The following NRXN3 variants were observed in gnomAD, a reference collection of about 807,000 sequenced individuals.
NRXN3 encodes the protein neurexin 3.
A neutral mutation model predicts 137.6 loss-of-function variants in NRXN3; 32 were observed. The observed-to-expected ratio is 0.23, with a 90% CI of 0.18 to 0.31. The LOEUF (loss-of-function observed/expected upper bound fraction) is 0.31. Among genes scored for constraint, NRXN3 ranks in the 10% least tolerant of loss-of-function variants. The pLI, the probability that NRXN3 is intolerant of heterozygous loss-of-function variation, is 1.00. For synonymous variants in NRXN3, 798 were observed against 784.5 expected (o/e 1.02, Z -0.29); for missense variants, 1,574 against 2,062.5 (o/e 0.76, Z 4.59).
intron 4 of NRXN3, among the ~76,000 whole-genome samples, chr14:78,345,215 T>G (rs1414839933): frequency 6.6e-6 from 1 of 152,198 alleles, no homozygotes; most frequent in Non-Finnish European, 1.5e-5. Flanking sequence ...TTGTTTTAAC[T>G]GTTCCTTGCT....
At chr14:79,133,150 T>G (rs973294610) in intron 15 of NRXN3, among the ~76,000 whole-genome samples, 4 of 152,236 alleles carry the variant, frequency 2.6e-5, no homozygotes, top group Non-Finnish European at 4.4e-5. Context: ...ACTAACATTT[T>G]TTGTTGAAGA....
intron 10 of NRXN3, among the ~76,000 whole-genome samples, chr14:78,887,467 C>G (rs979202943): frequency 1.3e-5 from 2 of 151,942 alleles, no homozygotes; most frequent in Non-Finnish European, 2.9e-5. Flanking sequence ...ACTTTTGCAC[C>G]AACCTGATAA....
intron 4 of NRXN3, among the ~76,000 whole-genome samples, chr14:78,428,511 A>G (rs974763040): frequency 8.5e-5 from 13 of 152,208 alleles, no homozygotes; most frequent in Non-Finnish European, 1.5e-4. Flanking sequence ...TATGTATAAT[A>G]TGCCTCTCTC....
At chr14:78,204,805 A>G (rs2062024958) in intron 1 of NRXN3, among the ~76,000 whole-genome samples, 1 of 152,222 alleles carries the variant, frequency 6.6e-6, no homozygotes, top group African/African-American at 2.4e-5. Context: ...TAAATTCTAA[A>G]ATATCATACA....
At chr14:79,315,587 C>G (rs1180442328) in intron 15 of NRXN3, among the ~76,000 whole-genome samples, 4 of 152,110 alleles carry the variant, frequency 2.6e-5, no homozygotes, top group Non-Finnish European at 5.9e-5. Context: ...GATCACCAGA[C>G]AAAACAAGTA....
chr14:78,623,718 C>A (rs752016025), intron 4 of NRXN3, among the ~76,000 whole-genome samples: 1 of 152,192 alleles, frequency 6.6e-6, no homozygotes, highest in Non-Finnish European at 1.5e-5. Flanking sequence ...TAGGCACACA[C>A]CACCACGCCT....
At chr14:79,181,351 G>A (rs1038313853) in intron 15 of NRXN3, among the ~76,000 whole-genome samples, 2 of 152,022 alleles carry the variant, frequency 1.3e-5, no homozygotes, top group Non-Finnish European at 2.9e-5. Flanking sequence ...AATTTAACTA[G>A]GGTAATATAA....
chr14:79,350,578 A>G (rs919766113), intron 15 of NRXN3, among the ~76,000 whole-genome samples: 2 of 152,186 alleles, frequency 1.3e-5, no homozygotes, highest in Non-Finnish European at 2.9e-5. Context: ...AGAACAAATC[A>G]GCCTTTGGCA....
At chr14:78,810,637 G>C (rs1428633167) in intron 10 of NRXN3, among the ~76,000 whole-genome samples, 2 of 152,092 alleles carry the variant, frequency 1.3e-5, no homozygotes, top group Non-Finnish European at 2.9e-5. Context: ...GAAAAATCAA[G>C]TTGAAATGAT....
intron 6 of NRXN3, among the ~76,000 whole-genome samples, chr14:78,660,164 G>A (rs1013182081): frequency 1.3e-5 from 2 of 151,956 alleles, no homozygotes; most frequent in African/African-American, 4.8e-5. Flanking sequence ...GTGACAGACA[G>A]AGAGTAGTTC....
intron 15 of NRXN3, among the ~76,000 whole-genome samples, chr14:79,073,117 C>G (rs1163513641): frequency 1.3e-5 from 2 of 152,112 alleles, no homozygotes; most frequent in Non-Finnish European, 2.9e-5. Flanking sequence ...GAACTTCTGA[C>G]CTCAGGTGAT....
chr14:79,148,439 G>A (rs370847623), intron 15 of NRXN3, among the ~76,000 whole-genome samples: 3 of 152,136 alleles, frequency 2.0e-5, no homozygotes, highest in East Asian at 1.9e-4. Flanking sequence ...TTTCAGACTC[G>A]GGAGTAGGGA....
At chr14:79,661,877 G>C (rs955069389) in intron 16 of NRXN3, 3 of 152,028 alleles carry the variant, frequency 2.0e-5, no homozygotes, top group African/African-American at 7.2e-5. Flanking sequence ...GATATGGTTT[G>C]GCTGTGTTCC....
At chr14:79,357,337 T>C (rs939480785) in intron 15 of NRXN3, among the ~76,000 whole-genome samples, 6 of 152,162 alleles carry the variant, frequency 3.9e-5, no homozygotes, top group African/African-American at 1.4e-4. Context: ...ACTTCTTTTT[T>C]AAAAAAATAA....
intron 15 of NRXN3, among the ~76,000 whole-genome samples, chr14:79,147,114 A>G (rs1022809965): frequency 3.9e-5 from 6 of 152,100 alleles, no homozygotes; most frequent in Non-Finnish European, 7.4e-5. Flanking sequence ...GGGTGAGAGA[A>G]AAGAAGGAGA....
At chr14:78,750,373 C>T (rs962763730) in intron 8 of NRXN3, among the ~76,000 whole-genome samples, 1 of 151,970 alleles carries the variant, frequency 6.6e-6, no homozygotes, top group East Asian at 1.9e-4. Flanking sequence ...TGGAGGAAGT[C>T]GCAAACGTAG....
intron 16 of NRXN3, among the ~76,000 whole-genome samples, chr14:79,491,642 C>G (rs534902945): frequency 6.6e-6 from 1 of 150,820 alleles, no homozygotes; most frequent in Non-Finnish European, 1.5e-5. Context: ...ACTTTTCACC[C>G]TAAAATAAAA....
intron 4 of NRXN3, among the ~76,000 whole-genome samples, chr14:78,474,291 T>C (rs1401208296): frequency 2.6e-5 from 4 of 152,230 alleles, no homozygotes; most frequent in Non-Finnish European, 2.9e-5. Flanking sequence ...TATTGGAGTG[T>C]ACATAACAAG....
At chr14:79,700,541 T>C (rs1306570019) in intron 19 of NRXN3, among the ~76,000 whole-genome samples, 1 of 152,032 alleles carries the variant, frequency 6.6e-6, no homozygotes, top group African/African-American at 2.4e-5. Flanking sequence ...TATAAAAACC[T>C]GTCTGTTCAA....
Sources: gnomAD v4.1 joint callset for allele counts (sites outside exome capture counted in the v4.1 genomes callset) on GRCh38, gnomAD v4.1.1 for gene constraint, MANE v1.5 for transcripts, NCBI Gene and HGNC (gene_info 2026-07-23, HGNC 2026-07-21) for gene names.